Variants in KCNH5 observed in about 807,000 individuals in gnomAD.
The protein encoded by KCNH5 is potassium voltage-gated channel subfamily H member 5.
Under a neutral mutation model 96.1 loss-of-function variants are expected in KCNH5, and 46 were observed. The observed-to-expected ratio is 0.48, with a 90% CI of 0.38 to 0.61. The LOEUF (loss-of-function observed/expected upper bound fraction) is 0.61, where lower values mean the gene tolerates loss of function less well. Ranked by LOEUF, KCNH5 falls within the 20% of genes least tolerant of loss-of-function variation. The probability of loss-of-function intolerance (pLI) is 0.00; values close to 1 mark genes in which losing one functional copy is unlikely to be tolerated. For missense variants in KCNH5, 907 were observed against 1,225.8 expected, an observed-to-expected ratio of 0.74 and a Z score of 3.88; for synonymous variants, 439 against 449.8, an observed-to-expected ratio of 0.98 and a Z score of 0.30.
At position 62,920,451 on chromosome 14, in the gene KCNH5, A is replaced by G. The variant is rs188146339; in HGVS notation, c.1369+29682T>C. Among the ~76,000 whole-genome samples, 1,132 of 152,192 alleles carry G rather than the reference A, an allele frequency of 7.4e-3. 45 individuals carry two copies. The highest frequency in any genetic ancestry group is 0.067 in the Admixed American group (1,028 of 15,244). ...TTCATTCATTTATTCCAATGTGTCA[A>G]CTGTGCTAAGTGCTAGGCTTATAAT... On this transcript the variant is annotated intron_variant, in intron 7 of 10. Coordinates refer to ENST00000322893, the MANE Select transcript of KCNH5 (RefSeq NM_139318.5).
intron 6 of KCNH5, among the ~76,000 whole-genome samples, chr14:62,954,562 T>C (rs1890065707): frequency 6.6e-6 from 1 of 152,196 alleles, no homozygotes. Flanking sequence ...CTCAGAATGA[T>C]TTAACAGTAT....
chr14:63,039,561 T>C (rs887361643), intron 1 of KCNH5, among the ~76,000 whole-genome samples: 4 of 152,076 alleles, frequency 2.6e-5, no homozygotes, highest in African/African-American at 4.8e-5. Context: ...ACAGGTCATT[T>C]TTCTGCAAGA....
intron 7 of KCNH5, among the ~76,000 whole-genome samples, chr14:62,866,013 G>A (rs769785146): frequency 2.0e-5 from 3 of 152,126 alleles, no homozygotes; most frequent in Non-Finnish European, 4.4e-5. Flanking sequence ...ACAAATCCAT[G>A]TGATGACATA....
intron 1 of KCNH5, among the ~76,000 whole-genome samples, chr14:63,022,939 C>T (rs1180667913): frequency 6.6e-6 from 1 of 152,132 alleles, no homozygotes; most frequent in Non-Finnish European, 1.5e-5. Flanking sequence ...GGCACGGTGA[C>T]TCACACTTGT....
At chr14:62,872,274 A>G (rs1012668054) in intron 7 of KCNH5, among the ~76,000 whole-genome samples, 1 of 152,266 alleles carries the variant, frequency 6.6e-6, no homozygotes, top group Admixed American at 6.5e-5. Context: ...TTATTTTAAA[A>G]AAGAGAATCT....
At chr14:62,954,680 A>T (rs920047072) in intron 6 of KCNH5, among the ~76,000 whole-genome samples, 1 of 152,092 alleles carries the variant, frequency 6.6e-6, no homozygotes, top group Non-Finnish European at 1.5e-5. Flanking sequence ...TAGGTGTATT[A>T]CTCCATTTTC....
At chr14:62,807,868 T>G (rs188405776) in intron 8 of KCNH5, among the ~76,000 whole-genome samples, 2 of 152,210 alleles carry the variant, frequency 1.3e-5, no homozygotes, top group Admixed American at 1.3e-4. Flanking sequence ...TTGTACAATT[T>G]AAAGGTTGTT....
chr14:63,032,488 G>C (rs1457511174), intron 1 of KCNH5, among the ~76,000 whole-genome samples: 1 of 152,150 alleles, frequency 6.6e-6, no homozygotes, highest in African/African-American at 2.4e-5. Context: ...TGAAGCAAAA[G>C]TGACCCATTA....
At chr14:63,015,591 A>T (rs527512228) in intron 2 of KCNH5, among the ~76,000 whole-genome samples, 1 of 152,088 alleles carries the variant, frequency 6.6e-6, no homozygotes. Flanking sequence ...TTATTGAATG[A>T]ATTGATTAAT....
intron 8 of KCNH5, among the ~76,000 whole-genome samples, chr14:62,848,585 C>T (rs934989008): frequency 1.3e-5 from 2 of 152,164 alleles, no homozygotes; most frequent in Admixed American, 6.6e-5. Context: ...TTCCCTATGC[C>T]TCCACTCAAC....
At chr14:62,862,507 A>G (rs1007191391) in intron 7 of KCNH5, among the ~76,000 whole-genome samples, 3 of 152,200 alleles carry the variant, frequency 2.0e-5, no homozygotes, top group Non-Finnish European at 4.4e-5. Context: ...CCTTCGTGGT[A>G]AGACTTTACT....
intron 8 of KCNH5, among the ~76,000 whole-genome samples, chr14:62,812,775 C>G (rs1205808231): frequency 1.3e-5 from 2 of 152,010 alleles, no homozygotes; most frequent in African/African-American, 4.8e-5. Context: ...GAGGAAAAAA[C>G]TCTTCCATTA....
intron 10 of KCNH5, among the ~76,000 whole-genome samples, chr14:62,753,142 AAC>A (rs1257554934): frequency 2.6e-5 from 4 of 152,218 alleles, no homozygotes; most frequent in Admixed American, 6.5e-5. Context: ...AGATAAATTT[AAC>A]AGAGAAATTT....
At chr14:62,818,303 T>C (rs767876835) in intron 8 of KCNH5, among the ~76,000 whole-genome samples, 3 of 152,164 alleles carry the variant, frequency 2.0e-5, no homozygotes, top group South Asian at 2.1e-4. Context: ...TGGTAGTCAT[T>C]CACATATATA....
intron 10 of KCNH5, among the ~76,000 whole-genome samples, chr14:62,737,440 C>G (rs1885181994): frequency 6.6e-6 from 1 of 152,150 alleles, no homozygotes; most frequent in Non-Finnish European, 1.5e-5. Context: ...CCTCACTTAC[C>G]TGGCATAAGT....
At chr14:62,946,545 A>T (rs576290835) in intron 7 of KCNH5, among the ~76,000 whole-genome samples, 8 of 151,854 alleles carry the variant, frequency 5.3e-5, no homozygotes, top group African/African-American at 1.9e-4. Context: ...TCCAGGGTAC[A>T]TGTGCAGGAT....
intron 10 of KCNH5, among the ~76,000 whole-genome samples, chr14:62,726,573 A>G (rs1055260193): frequency 3.9e-5 from 6 of 152,048 alleles, no homozygotes; most frequent in South Asian, 2.1e-4. Context: ...TAAAACCACA[A>G]TGTATTACCC....
chr14:62,944,464 T>C (rs1441380864), intron 7 of KCNH5, among the ~76,000 whole-genome samples: 1 of 152,050 alleles, frequency 6.6e-6, no homozygotes, highest in African/African-American at 2.4e-5. Flanking sequence ...GTTTTCTACC[T>C]GCCTCTTCCC....
chr14:63,021,656 C>T (rs1891429289), intron 1 of KCNH5, among the ~76,000 whole-genome samples: 1 of 152,056 alleles, frequency 6.6e-6, no homozygotes, highest in African/African-American at 2.4e-5. Context: ...CTCCTGTTCA[C>T]TCAACTCACT....
Sources: gnomAD v4.1 joint callset for allele counts (sites outside exome capture counted in the v4.1 genomes callset) on GRCh38, gnomAD v4.1.1 for gene constraint, MANE v1.5 for transcripts, NCBI Gene and HGNC (gene_info 2026-07-23, HGNC 2026-07-21) for gene names.